Variants in SOX5 observed in about 807,000 individuals in gnomAD.
SOX5 encodes the protein transcription factor SOX-5.
SOX5 carries 9 observed loss-of-function variants against 92.0 expected under a neutral mutation model. That is an observed-to-expected ratio of 0.10 (90% confidence interval 0.06 to 0.17). The LOEUF is 0.17. Among genes scored for constraint, SOX5 ranks in the 10% least tolerant of loss-of-function variants. The pLI, the probability that SOX5 is intolerant of heterozygous loss-of-function variation, is 1.00. For missense variants in SOX5, 642 were observed against 944.5 expected, an observed-to-expected ratio of 0.68 and a Z score of 4.20; for synonymous variants, 344 against 336.3, an observed-to-expected ratio of 1.02 and a Z score of -0.25.
intron 6 of SOX5, among the ~76,000 whole-genome samples, chr12:23,716,943 T>C (rs768936217): frequency 7.9e-5 from 12 of 152,166 alleles, no homozygotes; most frequent in Non-Finnish European, 1.6e-4. Context: ...ACAGCCACCA[T>C]CCACACACAA....
chr12:23,676,608 G>A (rs758413894), intron 6 of SOX5, among the ~76,000 whole-genome samples: 5 of 152,180 alleles, frequency 3.3e-5, no homozygotes, highest in Admixed American at 6.5e-5. Flanking sequence ...AAGGAATACC[G>A]GGGCAGAGAC....
chr12:24,227,284 C>T (rs1962272496), intron 3 of SOX5: 1 of 152,168 alleles, frequency 6.6e-6, no homozygotes, highest in Non-Finnish European at 1.5e-5. Flanking sequence ...CTAAAGAGAC[C>T]AGAGCTTCCC....
chr12:23,928,596 CAAT>C (rs1940625105), intron 1 of SOX5, among the ~76,000 whole-genome samples: 1 of 151,486 alleles, frequency 6.6e-6, no homozygotes, highest in African/African-American at 2.4e-5. Context: ...AATAATAAAA[CAAT>C]AAACAATAAA....
At chr12:23,673,069 C>G (rs2085056361) in intron 6 of SOX5, among the ~76,000 whole-genome samples, 1 of 151,906 alleles carries the variant, frequency 6.6e-6, no homozygotes, top group Non-Finnish European at 1.5e-5. Flanking sequence ...AGTTGCTAAT[C>G]ATAGAAACTT....
chr12:23,708,553 G>A (rs2091703355), intron 6 of SOX5, among the ~76,000 whole-genome samples: 2 of 152,134 alleles, frequency 1.3e-5, no homozygotes, highest in Non-Finnish European at 2.9e-5. Context: ...CATTAGGAGA[G>A]TTTTTCTTTC....
At chr12:23,920,965 C>G (rs894073730) in intron 1 of SOX5, among the ~76,000 whole-genome samples, 1 of 152,058 alleles carries the variant, frequency 6.6e-6, no homozygotes, top group African/African-American at 2.4e-5. Flanking sequence ...CTTTATGAGA[C>G]AGAGATCATG....
At chr12:23,915,506 G>A (rs538943295) in intron 1 of SOX5, among the ~76,000 whole-genome samples, 3 of 151,922 alleles carry the variant, frequency 2.0e-5, no homozygotes, top group African/African-American at 4.8e-5. Context: ...GAGTAATCAC[G>A]TTCTTACAAC....
chr12:24,396,209 G>A (rs1959915241), intron 1 of SOX5, among the ~76,000 whole-genome samples: 1 of 152,188 alleles, frequency 6.6e-6, no homozygotes, highest in Admixed American at 6.5e-5. Context: ...CATGCCCTCT[G>A]AGGGTAAGGC....
intron 3 of SOX5, among the ~76,000 whole-genome samples, chr12:24,239,573 A>T (rs1053091196): frequency 6.6e-6 from 1 of 152,200 alleles, no homozygotes; most frequent in Non-Finnish European, 1.5e-5. Context: ...ACCAGGTAAT[A>T]CTGTCTGGAT....
intron 4 of SOX5, among the ~76,000 whole-genome samples, chr12:24,021,356 TGG>T (rs1480825729): frequency 6.6e-6 from 1 of 152,132 alleles, no homozygotes; most frequent in Non-Finnish European, 1.5e-5. Context: ...TTTCTTCTCT[TGG>T]AGACTGCACT....
chr12:24,203,756 T>C (rs1401412017), intron 4 of SOX5, among the ~76,000 whole-genome samples: 1 of 152,212 alleles, frequency 6.6e-6, no homozygotes, highest in African/African-American at 2.4e-5. Flanking sequence ...CAGTTCTTTT[T>C]TGTTCATTTT....
At chr12:23,556,311 T>C (rs535184712) in intron 11 of SOX5, among the ~76,000 whole-genome samples, 2 of 152,210 alleles carry the variant, frequency 1.3e-5, no homozygotes, top group Admixed American at 6.5e-5. Context: ...GTAGAGAGAC[T>C]CTGATAATAA....
At chr12:23,928,508 GCATTTTATT>G (rs1416832350) in intron 1 of SOX5, among the ~76,000 whole-genome samples, 1 of 151,798 alleles carries the variant, frequency 6.6e-6, no homozygotes, top group African/African-American at 2.4e-5. Flanking sequence ...ACAATTTTAT[GCATTTTATT>G]CATTGTTAAG....
At chr12:24,300,048 A>G (rs888746377) in intron 2 of SOX5, among the ~76,000 whole-genome samples, 1 of 152,238 alleles carries the variant, frequency 6.6e-6, no homozygotes, top group Admixed American at 6.5e-5. Context: ...AAACAATTCA[A>G]GAATTTAGGG....
intron 4 of SOX5, among the ~76,000 whole-genome samples, chr12:24,020,127 C>A (rs532963381): frequency 6.6e-6 from 1 of 152,096 alleles, no homozygotes; most frequent in Non-Finnish European, 1.5e-5. Flanking sequence ...TTTGACTAAT[C>A]AATGTTGAGC....
intron 4 of SOX5, among the ~76,000 whole-genome samples, chr12:24,162,885 G>C (rs1030051310): frequency 3.3e-5 from 5 of 152,104 alleles, no homozygotes; most frequent in South Asian, 2.1e-4. Flanking sequence ...GACAGAGAAG[G>C]GTGACCCAGA....
intron 1 of SOX5, among the ~76,000 whole-genome samples, chr12:23,898,660 T>C (rs1363828386): frequency 2.0e-5 from 3 of 152,236 alleles, no homozygotes; most frequent in Non-Finnish European, 2.9e-5. Context: ...ACTGAGTGTG[T>C]ATTCTCTATA....
At chr12:23,994,335 T>A (rs983818671) in intron 4 of SOX5, among the ~76,000 whole-genome samples, 10 of 152,094 alleles carry the variant, frequency 6.6e-5, no homozygotes, top group African/African-American at 2.2e-4. Context: ...CTTAAAAAAA[T>A]TTTAAGTAAC....
At chr12:23,801,401 G>A (rs979915184) in intron 3 of SOX5, among the ~76,000 whole-genome samples, 11 of 152,030 alleles carry the variant, frequency 7.2e-5, no homozygotes, top group African/African-American at 2.7e-4. Context: ...TTTTAAAGGT[G>A]GCAATCAAAA....
Sources: allele counts gnomAD v4.1 joint callset (sites outside exome capture counted in the v4.1 genomes callset), GRCh38; gene constraint gnomAD v4.1.1; transcripts MANE v1.5; gene names NCBI Gene and HGNC (gene_info 2026-07-23, HGNC 2026-07-21).